C4orf33: variants seen among roughly 807,000 people sequenced by gnomAD.
C4orf33 encodes the protein UPF0462 protein C4orf33.
C4orf33 carries 20 observed loss-of-function variants against 24.3 expected under a neutral mutation model. That is an observed-to-expected ratio of 0.82 (90% CI 0.58 to 1.19). The LOEUF is 1.19. C4orf33 is among the 50% of genes most tolerant of loss of function. The pLI, the probability that C4orf33 is intolerant of heterozygous loss-of-function variation, is 0.00. For synonymous variants in C4orf33, 67 were observed against 76.4 expected (o/e 0.88, Z 0.64); for missense variants, 207 against 225.9 (o/e 0.92, Z 0.54).
intron 1 of C4orf33, chr4:129,100,853 A>G (rs1753331011): frequency 6.6e-6 from 1 of 152,158 alleles, no homozygotes; most frequent in African/African-American, 2.4e-5. Context: ...ATTTATTCAT[A>G]TTTCTTCCTA....
Position 129,115,801 on chromosome 4 carries a change from AATATATATATAT to A in C4orf33, c.*4028_*4039del, listed in dbSNP as rs55749910. 1.1e-4 allele frequency: 10 copies of A among 90,250 alleles called. No homozygotes were observed. The highest frequency in any genetic ancestry group is 2.3e-4 in the Admixed American group (2 of 8,650). The allele number at this position is 90,250 out of a possible 1,614,324, so 5.6% of individuals were successfully genotyped here. A position where few individuals can be genotyped will look rare whatever the true frequency, so the allele number is the denominator to read the frequency against. ...ATGTGCCTAACAAATCTTCTAACTA[AATATATATATAT>A]ATATATATATATATATAAAATATAT... On this transcript the variant is annotated 3_prime_UTR_variant, in exon 6 of 6. Transcript: ENST00000425929.
upstream of C4orf33, among the ~76,000 whole-genome samples, chr4:129,095,364 C>T (rs1753170022): frequency 6.6e-6 from 1 of 152,090 alleles, no homozygotes; most frequent in African/African-American, 2.4e-5. Context: ...AGTTTGTCTC[C>T]AGGCTCCATC....
chr4:129,116,418 G>A lies in C4orf33; in HGVS notation c.*4627G>A, dbSNP rs1753777829. The A allele has an allele frequency of 6.6e-6, 1 of 152,102 alleles. No individual in the cohort carries two copies. The allele number at this position is 152,102 out of a possible 1,614,324, so 9.4% of individuals were successfully genotyped here. On this transcript the variant is annotated 3_prime_UTR_variant, in exon 6 of 6. Transcript: ENST00000425929. ...AAATTCGCAGAGAATGCAAGGTTTAGTAAAAATTTATTTTCTTTTGGCAGC... is the reference window on the plus strand; with the variant it reads ...AAATTCGCAGAGAATGCAAGGTTTAATAAAAATTTATTTTCTTTTGGCAGC...
At position 129,115,935 on chromosome 4, in the gene C4orf33, A is replaced by G. The variant is rs1010853825; in HGVS notation, c.*4144A>G. On this transcript the variant is annotated 3_prime_UTR_variant, in exon 6 of 6. Transcript: ENST00000425929. The stretch of plus-strand genomic sequence containing the variant: ...TGTTAAATCACCATTCCTGGGCCCT[A>G]CTCATTTTCTGATAATTTCTTATCT... The G allele has an allele frequency of 6.7e-6, 1 of 149,474 alleles. No homozygotes were observed. The highest frequency in any genetic ancestry group is 1.5e-5 in the Non-Finnish European group (1 of 67,498). The allele number at this position is 149,474 out of a possible 1,614,324, so 9.3% of individuals were successfully genotyped here.
At chr4:129,104,961 TG>T (rs1753471136) in intron 2 of C4orf33, among the ~76,000 whole-genome samples, 2 of 21,592 alleles carry the variant, frequency 9.3e-5, no homozygotes, top group Non-Finnish European at 1.2e-3. Context: ...TGCATCTGAG[TG>T]TGTGTGTGTG....
rs1753700839 is a variant in C4orf33 at position 129,111,870 on chromosome 4, G to T, written c.*79G>T. On this transcript the variant is annotated 3_prime_UTR_variant, in exon 6 of 6. Transcript: ENST00000425929. Reference sequence around the variant, plus strand: ...CAAAAAATAAATATCAATTTTTTAAGATGTCATGCATACATTTCAACAACA... The same window carrying T: ...CAAAAAATAAATATCAATTTTTTAATATGTCATGCATACATTTCAACAACA... The T allele has an allele frequency of 2.7e-6, 2 of 728,972 alleles. No homozygotes were observed. The highest frequency in any genetic ancestry group is 2.8e-5 in the Admixed American group (1 of 36,054). 45.2% of individuals were successfully genotyped at this position (728,972 alleles called of 1,614,324 possible).
At chr4:129,111,521 CAGCT>C (rs762555088) in intron 5 of C4orf33, among the ~76,000 whole-genome samples, 161 bp from the exon 6 acceptor site, 4 of 152,178 alleles carry the variant, frequency 2.6e-5, no homozygotes, top group Non-Finnish European at 4.4e-5. Flanking sequence ...GAGTGTTTGA[CAGCT>C]AGAGTGAGAA....
In C4orf33 at chr4:129,111,853, A is replaced by T; in HGVS notation, c.*62A>T. The T allele has an allele frequency of 1.1e-6, 1 of 888,418 alleles. No homozygotes were observed. The highest frequency in any genetic ancestry group is 1.7e-6 in the Non-Finnish European group (1 of 571,728). 55.0% of individuals were successfully genotyped at this position (888,418 alleles called of 1,614,324 possible). ...ATACCTTTTAAGATAAACAAAAAAT[A>T]AATATCAATTTTTTAAGATGTCATG... is the stretch of plus-strand genomic sequence containing the variant. On this transcript the variant is annotated 3_prime_UTR_variant, in exon 6 of 6. Coordinates refer to ENST00000425929, the MANE Select transcript of C4orf33 (RefSeq NM_001099783.2).
In C4orf33 at chr4:129,113,861, A is replaced by C. The variant is rs886328057; in HGVS notation, c.*2070A>C. 1 of 152,186 alleles carries C rather than the reference A, an allele frequency of 6.6e-6. No individual in the cohort carries two copies. The highest frequency in any genetic ancestry group is 1.5e-5 in the Non-Finnish European group (1 of 68,034). The allele number at this position is 152,186 out of a possible 1,614,324, so 9.4% of individuals were successfully genotyped here. A position where few individuals can be genotyped will look rare whatever the true frequency, so the allele number is the denominator to read the frequency against. On this transcript the variant is annotated 3_prime_UTR_variant, in exon 6 of 6. Transcript: ENST00000425929. ...TGGAGGACAGAAGATAATGAGCATA[A>C]TTAATCTGATATTGAAAAAGAAAGG...
At chr4:129,103,564 A>G (rs1171968478) in intron 2 of C4orf33, among the ~76,000 whole-genome samples, 1 of 69,998 alleles carries the variant, frequency 1.4e-5, no homozygotes, top group Non-Finnish European at 4.7e-5. Context: ...AAGACATGAC[A>G]TAAAATTAGT....
At position 129,102,809 on chromosome 4, in the gene C4orf33, A is replaced by T; in HGVS notation, c.181+18A>T. ...TTATGAAGGTAAGTGGAAGTACTGT[A>T]TTTTATTGCAAACATAAATCTTCTT... is the stretch of plus-strand genomic sequence containing the variant. On this transcript the variant is annotated intron_variant, in intron 2 of 5. Coordinates refer to ENST00000425929, the MANE Select transcript of C4orf33 (RefSeq NM_001099783.2). The T allele has an allele frequency of 6.3e-7, 1 of 1,589,106 alleles. No homozygotes were observed. Among genetic ancestry groups the T allele is most frequent in the Non-Finnish European group, 8.6e-7 (1 of 1,168,344 alleles).
At chr4:129,102,924 CTACCAA>C (rs1200257545) in intron 2 of C4orf33, 133 bp downstream of exon 2, 1 of 651,910 alleles carries the variant, frequency 1.5e-6, no homozygotes, top group Non-Finnish European at 2.4e-6. Context: ...CTGATATTTC[CTACCAA>C]TCTCTCATTC....
upstream of C4orf33, chr4:129,094,151 G>T (rs187378283): frequency 3.3e-5 from 5 of 152,326 alleles, no homozygotes; most frequent in Non-Finnish European, 7.3e-5. Context: ...AAATTCAGCA[G>T]CTACTTCTTC....
chr4:129,097,971 T>C (rs1753250432), intron 1 of C4orf33, among the ~76,000 whole-genome samples: 1 of 152,230 alleles, frequency 6.6e-6, no homozygotes, highest in African/African-American at 2.4e-5. Flanking sequence ...TTGGTCACTT[T>C]TCTGTTGGAG....
In C4orf33 at chr4:129,112,184, T is replaced by G. The variant is rs1267440571; in HGVS notation, c.*393T>G. The G allele has an allele frequency of 6.5e-6, 1 of 154,968 alleles. No individual in the cohort carries two copies. Among genetic ancestry groups the G allele is most frequent in the African/African-American group, 2.4e-5 (1 of 41,518 alleles). 9.6% of individuals were successfully genotyped at this position (154,968 alleles called of 1,614,324 possible). A position where few individuals can be genotyped will look rare whatever the true frequency, so the allele number is the denominator to read the frequency against. ...TAGATATATACCCCAGAAAAATGAC[T>G]GCTCATAGCAGCTTTATTCATAATA... On this transcript the variant is annotated 3_prime_UTR_variant, in exon 6 of 6. Coordinates refer to ENST00000425929, the MANE Select transcript of C4orf33 (RefSeq NM_001099783.2).
At chr4:129,099,244 C>A (rs1753283563) in intron 1 of C4orf33, among the ~76,000 whole-genome samples, 1 of 152,118 alleles carries the variant, frequency 6.6e-6, no homozygotes, top group African/African-American at 2.4e-5. Flanking sequence ...GAAACGGGTA[C>A]CTCATTGATT....
Position 129,111,760 on chromosome 4 carries a change from AC to A in C4orf33, c.571del (p.Leu191CysfsTer3), listed in dbSNP as rs1753697595. ...LGEEWKQPES[D>X]LWLIEKCDI ...GAAGAGTGGAAACAACCGGAATCAG[AC>A]CTGTGGCTAATAGAGAAATGTGATA... On this transcript the variant is annotated frameshift_variant, in exon 6 of 6. Transcript: ENST00000425929. LOFTEE classifies it high-confidence loss of function. 8 of 1,611,226 alleles carry A rather than the reference AC, an allele frequency of 5.0e-6. No homozygotes were observed. The East Asian group carries it at 1.8e-4, about 36-fold the overall frequency.
Position 129,113,797 on chromosome 4 carries a change from C to G in C4orf33, c.*2006C>G, listed in dbSNP as rs1580022489. ...GAAAAAAAACATTTAATTTCCCCTCCTTCTCCTCCTTTTGCTCCTTTTTTA... is the reference window on the plus strand; with the variant it reads ...GAAAAAAAACATTTAATTTCCCCTCGTTCTCCTCCTTTTGCTCCTTTTTTA... On this transcript the variant is annotated 3_prime_UTR_variant, in exon 6 of 6. Coordinates refer to ENST00000425929, the MANE Select transcript of C4orf33 (RefSeq NM_001099783.2). The G allele has an allele frequency of 6.6e-6, 1 of 151,758 alleles. No individual in the cohort carries two copies. Among genetic ancestry groups the G allele is most frequent in the Non-Finnish European group, 1.5e-5 (1 of 67,936 alleles). 9.4% of individuals were successfully genotyped at this position (151,758 alleles called of 1,614,324 possible).
At chr4:129,096,298 T>C (rs1160133923) in intron 1 of C4orf33, 89 bp downstream of exon 1, 1 of 152,226 alleles carries the variant, frequency 6.6e-6, no homozygotes, top group Non-Finnish European at 1.5e-5. Context: ...TGGAAAATAC[T>C]GAAAAGTATT....
Sources: gnomAD v4.1 joint callset for allele counts (sites outside exome capture counted in the v4.1 genomes callset) on GRCh38, gnomAD v4.1.1 for gene constraint, MANE v1.5 for transcripts, NCBI Gene and HGNC (gene_info 2026-07-23, HGNC 2026-07-21) for gene names.